The following ZNF438 variants were observed in gnomAD, a reference collection of about 807,000 sequenced individuals.
The protein encoded by ZNF438 is zinc finger protein 438.
ZNF438 carries 25 observed loss-of-function variants against 38.0 expected under a neutral mutation model. The ratio of observed to expected loss-of-function variants is 0.66; its 90% CI spans 0.48 to 0.92. The LOEUF (loss-of-function observed/expected upper bound fraction) is 0.92, where lower values mean the gene tolerates loss of function less well. ZNF438 is among the 40% of genes least tolerant of loss of function. The probability of loss-of-function intolerance (pLI) is 0.00; values close to 1 mark genes in which losing one functional copy is unlikely to be tolerated. For synonymous variants in ZNF438, 372 were observed against 364.1 expected, an observed-to-expected ratio of 1.02 and a Z score of -0.25; for missense variants, 1,007 against 999.6, an observed-to-expected ratio of 1.01 and a Z score of -0.10.
intron 1 of ZNF438, among the ~76,000 whole-genome samples, chr10:30,976,730 CTTTA>C (rs2051398614): frequency 9.5e-6 from 1 of 105,234 alleles, no homozygotes; most frequent in African/African-American, 4.0e-5. Context: ...AAGCAAGACC[CTTTA>C]TTTAATAAAA....
chr10:30,947,831 C>G (rs572993176), intron 1 of ZNF438, among the ~76,000 whole-genome samples: 76 of 152,334 alleles, frequency 5.0e-4, no homozygotes, highest in African/African-American at 1.6e-3. Flanking sequence ...GGAAAGGGAA[C>G]TCCCTGACCC....
chr10:30,885,467 T>C (rs968828801), intron 3 of ZNF438, among the ~76,000 whole-genome samples: 1 of 152,254 alleles, frequency 6.6e-6, no homozygotes, highest in Non-Finnish European at 1.5e-5. Flanking sequence ...AATGCTACTA[T>C]GTGCTAGACC....
intron 1 of ZNF438, among the ~76,000 whole-genome samples, chr10:30,955,511 A>C (rs1331690345): frequency 6.6e-6 from 1 of 152,244 alleles, no homozygotes; most frequent in Non-Finnish European, 1.5e-5. Context: ...CGGAAGCCAC[A>C]ATAATAAGTC....
chr10:31,020,395 G>T (rs1188493145), intron 1 of ZNF438, among the ~76,000 whole-genome samples: 3 of 152,172 alleles, frequency 2.0e-5, no homozygotes, highest in Non-Finnish European at 2.9e-5. Flanking sequence ...AATTACAAAA[G>T]CTGTTCATCA....
intron 1 of ZNF438, among the ~76,000 whole-genome samples, chr10:31,009,622 C>T (rs759590853): frequency 2.0e-5 from 3 of 152,166 alleles, no homozygotes; most frequent in Non-Finnish European, 2.9e-5. Flanking sequence ...CAGTATCCTG[C>T]AAAACCCTCA....
intron 1 of ZNF438, among the ~76,000 whole-genome samples, chr10:30,947,654 C>G (rs1395543121): frequency 6.6e-6 from 1 of 152,262 alleles, no homozygotes; most frequent in African/African-American, 2.4e-5. Flanking sequence ...TGATCTCAGA[C>G]TGCTGTGCTA....
chr10:30,883,954 G>A (rs2039613222), intron 3 of ZNF438, among the ~76,000 whole-genome samples: 1 of 152,006 alleles, frequency 6.6e-6, no homozygotes, highest in Non-Finnish European at 1.5e-5. Context: ...TAACTCATGA[G>A]AAAAATTACC....
At chr10:30,984,629 T>C (rs957433272) in intron 1 of ZNF438, among the ~76,000 whole-genome samples, 1 of 152,126 alleles carries the variant, frequency 6.6e-6, no homozygotes, top group African/African-American at 2.4e-5. Flanking sequence ...CAAAATTTAA[T>C]AAAAGTTTTA....
chr10:30,846,434 A>T (rs2032118481), intron 5 of ZNF438, among the ~76,000 whole-genome samples: 1 of 152,194 alleles, frequency 6.6e-6, no homozygotes, highest in Non-Finnish European at 1.5e-5. Context: ...ACCTGCCGCC[A>T]TGAGAGCCAC....
intron 3 of ZNF438, among the ~76,000 whole-genome samples, chr10:30,881,443 A>G (rs904371406): frequency 5.9e-5 from 9 of 152,108 alleles, no homozygotes; most frequent in Admixed American, 2.0e-4. Context: ...AAAGACCTAT[A>G]CACTGAAAAC....
intron 1 of ZNF438, among the ~76,000 whole-genome samples, chr10:30,943,099 T>G (rs1023191134): frequency 2.6e-5 from 4 of 152,206 alleles, no homozygotes; most frequent in Admixed American, 2.6e-4. Context: ...TTAACAAGGT[T>G]TTTGTCATTG....
intron 1 of ZNF438, among the ~76,000 whole-genome samples, chr10:31,007,642 C>T (rs753054632): frequency 2.0e-4 from 30 of 152,154 alleles, no homozygotes; most frequent in Non-Finnish European, 3.4e-4. Flanking sequence ...AAAACTAATA[C>T]ACAGGTAAAA....
chr10:30,949,768 A>G (rs2047934904), intron 1 of ZNF438, among the ~76,000 whole-genome samples: 2 of 151,624 alleles, frequency 1.3e-5, no homozygotes, highest in African/African-American at 4.8e-5. Context: ...TGACCTACAA[A>G]GAGACTTAGA....
intron 1 of ZNF438, among the ~76,000 whole-genome samples, chr10:30,979,104 C>T (rs927425082): frequency 6.6e-6 from 1 of 152,150 alleles, no homozygotes; most frequent in Non-Finnish European, 1.5e-5. Context: ...AGTTTAAGCC[C>T]ACTGTTGAGA....
intron 3 of ZNF438, among the ~76,000 whole-genome samples, chr10:30,894,834 C>T (rs2041129902): frequency 1.3e-5 from 2 of 152,164 alleles, no homozygotes; most frequent in Non-Finnish European, 2.9e-5. Flanking sequence ...CTTTTGTGTG[C>T]ACGGCTGACA....
intron 1 of ZNF438, among the ~76,000 whole-genome samples, chr10:30,964,797 T>C (rs934261182): frequency 2.0e-5 from 3 of 152,124 alleles, no homozygotes; most frequent in African/African-American, 7.2e-5. Context: ...AGGAAGGATG[T>C]AGACATGCAC....
At chr10:31,016,239 A>G (rs1379379093) in intron 1 of ZNF438, among the ~76,000 whole-genome samples, 1 of 150,574 alleles carries the variant, frequency 6.6e-6, no homozygotes, top group African/African-American at 2.4e-5. Flanking sequence ...TAGCATAATT[A>G]TAACAGGGGT....
chr10:30,929,428 A>G lies in ZNF438; in HGVS notation c.-115+12147T>C, dbSNP rs950601912. On this transcript the variant is annotated intron_variant, in intron 2 of 5. Coordinates refer to ENST00000413025, the Ensembl canonical transcript of ZNF438. ...TAAGGCGGTGTGTCTGGAGTTGTTC[A>G]TTCCTCCTGGTGGGTTCGTGGTCTC... 3.9e-5 allele frequency among the ~76,000 whole-genome samples: 6 copies of G among 152,032 alleles called. No individual in the cohort carries two copies. The East Asian group carries it at 7.7e-4, about 20-fold the overall frequency.
chr10:31,026,469 A>AGC (rs2056950233), intron 1 of ZNF438, among the ~76,000 whole-genome samples: 1 of 152,266 alleles, frequency 6.6e-6, no homozygotes, highest in Non-Finnish European at 1.5e-5. Flanking sequence ...ACATTTATGC[A>AGC]GCCAACAGAC....
Sources: allele counts gnomAD v4.1 joint callset (sites outside exome capture counted in the v4.1 genomes callset), GRCh38; gene constraint gnomAD v4.1.1; transcripts MANE v1.5; gene names NCBI Gene and HGNC (gene_info 2026-07-23, HGNC 2026-07-21).